UPF3A: variants seen among roughly 807,000 people sequenced by gnomAD.
UPF3A encodes regulator of nonsense transcripts 3A.
Under a neutral mutation model 53.5 loss-of-function variants are expected in UPF3A, and 42 were observed. That is an observed-to-expected ratio of 0.78 (90% CI 0.61 to 1.01). The LOEUF is 1.01. Among genes scored for constraint, UPF3A ranks in the 50% least tolerant of loss-of-function variants. UPF3A has a pLI of 0.00. For synonymous variants in UPF3A, 237 were observed against 225.3 expected, an observed-to-expected ratio of 1.05 and a Z score of -0.47; for missense variants, 575 against 598.0, an observed-to-expected ratio of 0.96 and a Z score of 0.40.
At chr13:114,297,871 G>T (rs1192296955) in intron 7 of UPF3A, among the ~76,000 whole-genome samples, 1 of 152,136 alleles carries the variant, frequency 6.6e-6, no homozygotes, top group Non-Finnish European at 1.5e-5. Context: ...AGCCAGGTGT[G>T]GTGGCACGCC....
At chr13:114,301,464 G>GAA (rs201804984) in intron 8 of UPF3A, among the ~76,000 whole-genome samples, 4 of 115,034 alleles carry the variant, frequency 3.5e-5, no homozygotes, top group Non-Finnish European at 3.8e-5. Flanking sequence ...CTCCATCTCA[G>GAA]AAAAAAAAAA....
At chr13:114,296,915 T>C (rs961477078) in intron 7 of UPF3A, among the ~76,000 whole-genome samples, 2 of 152,196 alleles carry the variant, frequency 1.3e-5, no homozygotes, top group African/African-American at 4.8e-5. Context: ...TGGTTCACAT[T>C]TATTACAGAC....
At chr13:114,282,449 C>T (rs2139112070) in intron 2 of UPF3A, 5 of 985,334 alleles carry the variant, frequency 5.1e-6, no homozygotes, top group South Asian at 4.7e-5. Flanking sequence ...CGGGGCGCTG[C>T]GGGGCCGGGG....
chr13:114,303,540 C>T (rs2086781955), intron 9 of UPF3A, among the ~76,000 whole-genome samples: 1 of 152,134 alleles, frequency 6.6e-6, no homozygotes, highest in Non-Finnish European at 1.5e-5. Context: ...AATGCCAGCA[C>T]TTTGGGAGGC....
rs1294578705 is a variant in UPF3A, at chr13:114,305,486, C to G, written c.*569C>G. The G allele has an allele frequency of 1.3e-5, 2 of 158,828 alleles. No individual in the cohort carries two copies. Among genetic ancestry groups the G allele is most frequent in the African/African-American group, 2.4e-5 (1 of 41,466 alleles). 9.8% of individuals were successfully genotyped at this position (158,828 alleles called of 1,614,324 possible). On this transcript the variant is annotated 3_prime_UTR_variant, in exon 10 of 10. Coordinates refer to ENST00000375299, the MANE Select transcript of UPF3A (RefSeq NM_023011.4). Reference sequence around the variant, plus strand: ...TAAAACCCAACAGCTTCAACTATTGCCCTTTCAACAGTTTTGCCACTGACC... The same window carrying G: ...TAAAACCCAACAGCTTCAACTATTGGCCTTTCAACAGTTTTGCCACTGACC...
At chr13:114,298,543 A>G (rs1472266208) in intron 7 of UPF3A, among the ~76,000 whole-genome samples, 1 of 152,242 alleles carries the variant, frequency 6.6e-6, no homozygotes, top group Admixed American at 6.5e-5. Context: ...CTGTCTCAAA[A>G]GAGAAAAGTG....
chr13:114,288,031 C>G (rs2139192505), intron 5 of UPF3A, among the ~76,000 whole-genome samples: 1 of 152,312 alleles, frequency 6.6e-6, no homozygotes, highest in Non-Finnish European at 1.5e-5. Flanking sequence ...TCTTGAACTC[C>G]TGATCTCAGA....
intron 7 of UPF3A, among the ~76,000 whole-genome samples, chr13:114,298,260 C>G (rs1337339658): frequency 6.6e-6 from 1 of 151,816 alleles, no homozygotes; most frequent in African/African-American, 2.4e-5. Flanking sequence ...GTAATCCCAG[C>G]TACTTGGGAG....
intron 5 of UPF3A, among the ~76,000 whole-genome samples, chr13:114,288,363 G>A (rs938091984): frequency 6.6e-6 from 1 of 152,114 alleles, no homozygotes; most frequent in Non-Finnish European, 1.5e-5. Flanking sequence ...AGATAGTGGT[G>A]GAGCTGGAGC....
intron 3 of UPF3A, among the ~76,000 whole-genome samples, chr13:114,284,381 ATATG>A (rs2084444039): frequency 7.5e-6 from 1 of 133,072 alleles, no homozygotes; most frequent in Non-Finnish European, 1.6e-5. Context: ...ACGTGTATGT[ATATG>A]TGTGTGTGTG....
At chr13:114,297,127 A>G (rs373208752) in intron 7 of UPF3A, among the ~76,000 whole-genome samples, 25 of 152,090 alleles carry the variant, frequency 1.6e-4, no homozygotes, top group East Asian at 7.7e-4. Flanking sequence ...GCATCTGTGT[A>G]TGGTCTTGCT....
chr13:114,297,902 G>A (rs2086207865), intron 7 of UPF3A, among the ~76,000 whole-genome samples: 1 of 152,202 alleles, frequency 6.6e-6, no homozygotes, highest in Admixed American at 6.5e-5. Context: ...TGGCTATTCA[G>A]GAGGCTGAGG....
intron 7 of UPF3A, among the ~76,000 whole-genome samples, chr13:114,294,275 G>C (rs1228353051): frequency 7.0e-6 from 1 of 142,438 alleles, no homozygotes; most frequent in African/African-American, 2.9e-5. Context: ...GGTTTTGGTG[G>C]GGGGGGGGTT....
rs757152967 is a variant in UPF3A, at chr13:114,281,790, G to T, written c.151G>T (p.Gly51Cys). The change falls in exon 1 of 10, where the codon GGT becomes TGT. Residue 51 changes from glycine to cysteine, a missense_variant. By Grantham distance (159) the Gly-to-Cys change is radical. Around this residue, in one of 2 missense-constraint regions of UPF3A, gnomAD observed 252 missense variants for 182.7 expected, o/e 1.38. Transcript: ENST00000375299. ...TGAGACGCCGCCAACTTCGTCCTCC[G>T]GTTGCGGGGGCGGTGCGGGCAAACC... is the stretch of plus-strand genomic sequence containing the variant. ...EAETPPTSSS[G>C]CGGGAGKPRE... 3 of 1,556,708 alleles carry T rather than the reference G, an allele frequency of 1.9e-6. No homozygotes were observed. The highest frequency in any genetic ancestry group is 1.7e-6 in the Non-Finnish European group (2 of 1,151,284).
At chr13:114,288,226 A>G (rs995827150) in intron 5 of UPF3A, among the ~76,000 whole-genome samples, 3 of 152,250 alleles carry the variant, frequency 2.0e-5, no homozygotes, top group African/African-American at 7.2e-5. Context: ...GCCTCTGCCT[A>G]CCATCGGGAT....
chr13:114,294,972 C>T (rs550029952), intron 7 of UPF3A, among the ~76,000 whole-genome samples: 14 of 151,722 alleles, frequency 9.2e-5, no homozygotes, highest in East Asian at 1.9e-4. Context: ...ATTAGCTGGG[C>T]GTGGTGGCGG....
chr13:114,288,425 G>A (rs567923530), intron 5 of UPF3A, among the ~76,000 whole-genome samples: 16 of 152,236 alleles, frequency 1.1e-4, no homozygotes, highest in African/African-American at 2.2e-4. Flanking sequence ...GAGCCTGGCC[G>A]TGCTGAGCAG....
intron 3 of UPF3A, chr13:114,283,177 G>A (rs887797325): frequency 1.1e-5 from 4 of 353,922 alleles, no homozygotes; most frequent in Middle Eastern, 7.8e-4. Context: ...CACCATGATC[G>A]GCTGATTTAA....
chr13:114,304,113 G>C, intron 9 of UPF3A, among the ~76,000 whole-genome samples: 1 of 152,204 alleles, frequency 6.6e-6, no homozygotes, highest in East Asian at 1.9e-4. Flanking sequence ...GAGGCGCGTG[G>C]AGCAGGAGGC....
Sources: gnomAD v4.1 joint callset for allele counts (sites outside exome capture counted in the v4.1 genomes callset) on GRCh38, gnomAD v4.1.1 for gene constraint, gnomAD v4.1.1 regional missense constraint, MANE v1.5 for transcripts, NCBI Gene and HGNC (gene_info 2026-07-23, HGNC 2026-07-21) for gene names.